Variants in CSNK1G1 observed in about 807,000 individuals in gnomAD.
CSNK1G1 encodes the protein casein kinase 1 gamma 1, also known as casein kinase I isoform gamma-1.
CSNK1G1 carries 22 observed loss-of-function variants against 59.6 expected under a neutral mutation model. The ratio of observed to expected loss-of-function variants is 0.37; its 90% CI spans 0.26 to 0.53. CSNK1G1 has a LOEUF of 0.53. Among genes scored for constraint, CSNK1G1 ranks in the 20% least tolerant of loss-of-function variants. The pLI, the probability that CSNK1G1 is intolerant of heterozygous loss-of-function variation, is 0.89. For missense variants in CSNK1G1, 384 were observed against 519.5 expected (o/e 0.74, Z 2.54); for synonymous variants, 179 against 177.1 (o/e 1.01, Z -0.08).
Position 64,259,219 on chromosome 15 carries a change from T to G in CSNK1G1, c.204A>C (p.Glu68Asp), listed in dbSNP as rs766131655. 1 of 1,597,432 alleles carries G rather than the reference T, an allele frequency of 6.3e-7. No individual in the cohort carries two copies. The change falls in exon 3 of 12, where the codon GAA (glutamate) becomes GAC (aspartate). Residue 68 changes from glutamate (E) to aspartate (D), a missense_variant. Transcript: ENST00000303052. Reference sequence around the variant, plus strand: ...TACTCACCAGTTTGATTGCTACATATTCATTGGTGTAGAGATTTTTACCTA... The same window carrying G: ...TACTCACCAGTTTGATTGCTACATAGTCATTGGTGTAGAGATTTTTACCTA... ...LRLGKNLYTN[E>D]YVAIKLEPIK...
At chr15:64,286,485 A>G (rs920322524) in intron 2 of CSNK1G1, among the ~76,000 whole-genome samples, 3 of 152,082 alleles carry the variant, frequency 2.0e-5, no homozygotes, top group African/African-American at 7.2e-5. Context: ...AAAAACACTT[A>G]GAATTATAAA....
intron 1 of CSNK1G1, among the ~76,000 whole-genome samples, chr15:64,339,291 GTGTT>G (rs1897565689): frequency 6.6e-6 from 1 of 152,120 alleles, no homozygotes; most frequent in African/African-American, 2.4e-5. Context: ...CCAGCAATCT[GTGTT>G]TTTTTGTTTT....
chr15:64,325,258 T>C (rs1402597679), intron 1 of CSNK1G1, among the ~76,000 whole-genome samples: 2 of 152,188 alleles, frequency 1.3e-5, no homozygotes, highest in Admixed American at 6.5e-5. Context: ...ATAGCTACAG[T>C]TACATTATCT....
chr15:64,330,477 C>G (rs1347406850), intron 1 of CSNK1G1, among the ~76,000 whole-genome samples: 23 of 142,786 alleles, frequency 1.6e-4, no homozygotes, highest in Middle Eastern at 3.7e-3. Flanking sequence ...ATTCAACAAC[C>G]CTTCATGCTA....
chr15:64,257,512 A>G (rs1892445970), intron 3 of CSNK1G1, among the ~76,000 whole-genome samples: 1 of 152,188 alleles, frequency 6.6e-6, no homozygotes, highest in Non-Finnish European at 1.5e-5. Context: ...TATAAATTAA[A>G]AAATATGGTT....
chr15:64,174,517 A>G (rs934087419), intron 11 of CSNK1G1, among the ~76,000 whole-genome samples: 1 of 152,200 alleles, frequency 6.6e-6, no homozygotes, highest in Non-Finnish European at 1.5e-5. Flanking sequence ...CCACTGATTG[A>G]CTTTCAGATG....
At chr15:64,319,689 C>T (rs1005661689) in intron 1 of CSNK1G1, among the ~76,000 whole-genome samples, 9 of 151,724 alleles carry the variant, frequency 5.9e-5, no homozygotes, top group African/African-American at 1.9e-4. Context: ...GGATTACAGG[C>T]GCATGCCGCC....
chr15:64,241,980 T>C (rs1891488893), intron 4 of CSNK1G1, among the ~76,000 whole-genome samples: 1 of 149,416 alleles, frequency 6.7e-6, no homozygotes, highest in South Asian at 2.1e-4. Flanking sequence ...AAGAAAAAAA[T>C]GAGAAGACTC....
chr15:64,180,383 T>G lies in CSNK1G1; in HGVS notation c.1179A>C (p.Thr393=). The G allele has an allele frequency of 6.2e-7, 1 of 1,614,156 alleles. No homozygotes were observed. The highest frequency in any genetic ancestry group is 8.5e-7 in the Non-Finnish European group (1 of 1,180,008). The change falls in exon 11 of 12, where the codon ACA becomes ACC. Residue 393 remains threonine, a synonymous_variant. Coordinates refer to ENST00000303052, the MANE Select transcript of CSNK1G1 (RefSeq NM_022048.5). ...CCACTACCTCCACCTCGGCATGAGC[T>G]GTGATTGGTGCATTGGAGTGGGCTC... ...PTGAHSNAPI[T]AHAEVEVVEE...
chr15:64,349,895 T>C (rs1898187254), intron 1 of CSNK1G1, among the ~76,000 whole-genome samples: 1 of 147,510 alleles, frequency 6.8e-6, no homozygotes, highest in African/African-American at 2.5e-5. Context: ...AGCAACACAC[T>C]GAGACCCTCG....
At chr15:64,304,837 T>A (rs976180674) in intron 1 of CSNK1G1, among the ~76,000 whole-genome samples, 10 of 152,188 alleles carry the variant, frequency 6.6e-5, no homozygotes, top group Non-Finnish European at 1.5e-4. Flanking sequence ...GATGAAATTG[T>A]TTATAGGTAT....
At chr15:64,261,785 A>G (rs575088930) in intron 2 of CSNK1G1, among the ~76,000 whole-genome samples, 1 of 152,106 alleles carries the variant, frequency 6.6e-6, no homozygotes, top group East Asian at 1.9e-4. Context: ...TCTACTAAAA[A>G]TACAAAAATT....
At chr15:64,189,357 C>A (rs1345449298) in intron 10 of CSNK1G1, 1 of 1,230,744 alleles carries the variant, frequency 8.1e-7, no homozygotes, top group South Asian at 1.5e-5. Context: ...TTTACATCTG[C>A]TACTATTCTG....
At chr15:64,236,486 C>G (rs941391177) in intron 4 of CSNK1G1, among the ~76,000 whole-genome samples, 11 of 152,104 alleles carry the variant, frequency 7.2e-5, no homozygotes, top group African/African-American at 2.7e-4. Context: ...GGGAAAAGAA[C>G]ATTAATAGAC....
In CSNK1G1 at chr15:64,216,109, T is replaced by G. The variant is rs927210011; in HGVS notation, c.444+453A>C. 6.6e-6 allele frequency among the ~76,000 whole-genome samples: 1 copy of G among 151,838 alleles called. No individual in the cohort carries two copies. Among genetic ancestry groups the G allele is most frequent in the Non-Finnish European group, 1.5e-5 (1 of 67,964 alleles). ...TGAGCTGGCATGGCACCTGCAGTCC[T>G]AGCTGCTGGAGAGGCTGAGGCAGGA... On this transcript the variant is annotated intron_variant, in intron 5 of 11. Transcript: ENST00000303052. This position sits in a 1 kb window ranked among gnomAD's most constrained non-coding sequence, Gnocchi z 4.6.
In CSNK1G1 at chr15:64,207,567, G is replaced by A; in HGVS notation, c.707C>T (p.Ala236Val). The A allele has an allele frequency of 6.2e-7, 1 of 1,613,970 alleles. No homozygotes were observed. The highest frequency in any genetic ancestry group is 8.5e-7 in the Non-Finnish European group (1 of 1,179,872). ...KEQSRRDDLE[A>V]LGHMFMYFLR... ...GAAATACATGAACATATGGCCTAGGGCTTCCAAATCATCTCTCCGGCTTTG... is the reference window on the plus strand; with the variant it reads ...GAAATACATGAACATATGGCCTAGGACTTCCAAATCATCTCTCCGGCTTTG... Residue 236 changes from alanine (A) to valine (V), a missense_variant, in exon 7 of 12, where the codon GCC (alanine) becomes GTC (valine). Coordinates refer to ENST00000303052, the MANE Select transcript of CSNK1G1 (RefSeq NM_022048.5).
At chr15:64,300,989 T>C (rs1895300494) in intron 1 of CSNK1G1, among the ~76,000 whole-genome samples, 1 of 152,218 alleles carries the variant, frequency 6.6e-6, no homozygotes, top group South Asian at 2.1e-4. Context: ...AATGTATCTA[T>C]GACCAAAAAG....
At chr15:64,204,055 A>T (rs549688959) in intron 9 of CSNK1G1, among the ~76,000 whole-genome samples, 1 of 151,990 alleles carries the variant, frequency 6.6e-6, no homozygotes, top group Admixed American at 6.6e-5. Context: ...AGGCAGGAGA[A>T]TCGCTTGAAC....
At chr15:64,346,804 AGAAGAGGTTAACTT>A (rs1405255666) in intron 1 of CSNK1G1, among the ~76,000 whole-genome samples, 1 of 152,128 alleles carries the variant, frequency 6.6e-6, no homozygotes, top group Non-Finnish European at 1.5e-5. Context: ...TCAATGAAAG[AGAAGAGGTTAACTT>A]GGACCTTATT....
Sources: allele counts gnomAD v4.1 joint callset (sites outside exome capture counted in the v4.1 genomes callset), GRCh38; gene constraint gnomAD v4.1.1; non-coding constraint Gnocchi (gnomAD v3.1); transcripts MANE v1.5; gene names NCBI Gene and HGNC (gene_info 2026-07-23, HGNC 2026-07-21).